SUCLG2: variants seen among roughly 807,000 people sequenced by gnomAD.
The protein encoded by SUCLG2 is succinate-CoA ligase GDP-forming subunit beta, also known as succinate--CoA ligase [GDP-forming] subunit beta, mitochondrial.
A neutral mutation model predicts 47.9 loss-of-function variants in SUCLG2; 42 were observed. That is an observed-to-expected ratio of 0.88 (90% CI 0.69 to 1.14). The LOEUF (loss-of-function observed/expected upper bound fraction) is 1.14. Ranked by LOEUF, SUCLG2 falls within the 50% of genes most tolerant of loss-of-function variation. SUCLG2 has a pLI of 0.00. For missense variants in SUCLG2, 571 were observed against 525.9 expected, an observed-to-expected ratio of 1.09 and a Z score of -0.84; for synonymous variants, 195 against 197.3, an observed-to-expected ratio of 0.99 and a Z score of 0.10.
At chr3:67,624,903 C>A (rs1487075779) in intron 1 of SUCLG2, among the ~76,000 whole-genome samples, 2 of 152,188 alleles carry the variant, frequency 1.3e-5, no homozygotes, top group Non-Finnish European at 2.9e-5. Flanking sequence ...GAAAAGTCCA[C>A]TGTGATGACA....
intron 9 of SUCLG2, among the ~76,000 whole-genome samples, chr3:67,438,309 C>T (rs535791925): frequency 3.9e-5 from 6 of 152,144 alleles, no homozygotes; most frequent in South Asian, 4.2e-4. Context: ...CCTCACATCA[C>T]AATTAAAAGA....
At chr3:67,601,943 C>A (rs1276690916) in intron 2 of SUCLG2, among the ~76,000 whole-genome samples, 1 of 151,866 alleles carries the variant, frequency 6.6e-6, no homozygotes, top group East Asian at 1.9e-4. Flanking sequence ...GATCGCACCC[C>A]CCAACTCCAG....
intron 1 of SUCLG2, among the ~76,000 whole-genome samples, chr3:67,651,359 A>C (rs1420181617): frequency 6.6e-6 from 1 of 152,006 alleles, no homozygotes; most frequent in Admixed American, 6.6e-5. Flanking sequence ...TGCCCAGCTC[A>C]TTCTCATCTC....
At chr3:67,631,854 T>A (rs1700931605) in intron 1 of SUCLG2, among the ~76,000 whole-genome samples, 1 of 152,192 alleles carries the variant, frequency 6.6e-6, no homozygotes, top group African/African-American at 2.4e-5. Context: ...GCTTCTTTAG[T>A]ATTTGTTGAA....
At chr3:67,417,517 C>T (rs1051368238) in intron 9 of SUCLG2, among the ~76,000 whole-genome samples, 29 of 152,200 alleles carry the variant, frequency 1.9e-4, no homozygotes, top group Non-Finnish European at 1.5e-5. Context: ...TGGTGCGACA[C>T]GATGCCTACA....
chr3:67,501,626 G>T (rs991061989), intron 7 of SUCLG2, among the ~76,000 whole-genome samples: 1 of 152,004 alleles, frequency 6.6e-6, no homozygotes, highest in Non-Finnish European at 1.5e-5. Context: ...GGGGCTGGTC[G>T]CCAGAAAGAC....
At chr3:67,407,926 T>C (rs1254313831) in intron 9 of SUCLG2, among the ~76,000 whole-genome samples, 1 of 152,168 alleles carries the variant, frequency 6.6e-6, no homozygotes, top group East Asian at 1.9e-4. Flanking sequence ...GGAAAATAAA[T>C]GGTGAAGGAA....
At chr3:67,538,934 C>T (rs1433163753) in intron 2 of SUCLG2, among the ~76,000 whole-genome samples, 3 of 152,146 alleles carry the variant, frequency 2.0e-5, no homozygotes, top group Non-Finnish European at 1.5e-5. Flanking sequence ...GCTGAAGTTC[C>T]TTATCAGCTT....
At chr3:67,509,992 T>C (rs1294310472) in intron 6 of SUCLG2, among the ~76,000 whole-genome samples, 3 of 152,130 alleles carry the variant, frequency 2.0e-5, no homozygotes, top group Non-Finnish European at 4.4e-5. Context: ...CCAGGGTACT[T>C]CCACTCCTCT....
At chr3:67,555,509 A>G (rs576709223) in intron 2 of SUCLG2, among the ~76,000 whole-genome samples, 22 of 152,310 alleles carry the variant, frequency 1.4e-4, no homozygotes, top group African/African-American at 5.1e-4. Context: ...ATCTTTCCCA[A>G]AAACAACCAG....
In SUCLG2 at chr3:67,498,258, G is replaced by A. The variant is rs187102568; in HGVS notation, c.795C>T (p.Asn265=). The A allele has an allele frequency of 3.5e-5, 57 of 1,613,580 alleles. No homozygotes were observed. Among genetic ancestry groups the A allele is most frequent in the African/African-American group, 2.3e-4 (17 of 74,954 alleles). The change falls in exon 8 of 11, where the codon AAC becomes AAT. Residue 265 remains asparagine (N), a synonymous_variant. Transcript: ENST00000307227. ...CFDAKINFDD[N]AEFRQKDIFA... The stretch of plus-strand genomic sequence containing the variant: ...ATATGTCTTTTTGTCGGAATTCTGC[G>A]TTGTCATCAAAGTTTATCTTGGCAT...
intron 7 of SUCLG2, among the ~76,000 whole-genome samples, chr3:67,499,285 G>GATAAA (rs1351962684): frequency 1.3e-5 from 2 of 152,070 alleles, no homozygotes; most frequent in African/African-American, 2.4e-5. Context: ...CTGTAACCTT[G>GATAAA]ATAAAATAAC....
intron 1 of SUCLG2, among the ~76,000 whole-genome samples, chr3:67,620,283 A>G (rs187967007): frequency 6.6e-6 from 1 of 151,754 alleles, no homozygotes; most frequent in Admixed American, 6.6e-5. Flanking sequence ...ATGAGGGAAA[A>G]GAAAGACACA....
intron 2 of SUCLG2, among the ~76,000 whole-genome samples, chr3:67,583,765 G>A (rs1474746372): frequency 1.3e-5 from 2 of 152,194 alleles, no homozygotes; most frequent in African/African-American, 4.8e-5. Context: ...CCCTCATCTT[G>A]AAGCCAACAA....
chr3:67,550,835 C>T (rs1706994467), intron 2 of SUCLG2, among the ~76,000 whole-genome samples: 2 of 151,100 alleles, frequency 1.3e-5, no homozygotes, highest in Admixed American at 6.6e-5. Context: ...CCTTGATTTT[C>T]TTATCTACAA....
At chr3:67,634,416 A>T (rs1008976219) in intron 1 of SUCLG2, among the ~76,000 whole-genome samples, 5 of 152,294 alleles carry the variant, frequency 3.3e-5, no homozygotes, top group South Asian at 2.1e-4. Flanking sequence ...TTTAAAAAAA[A>T]TTTTTTTAAG....
At chr3:67,497,719 A>G (rs893895802) in intron 8 of SUCLG2, among the ~76,000 whole-genome samples, 2 of 152,198 alleles carry the variant, frequency 1.3e-5, no homozygotes, top group African/African-American at 4.8e-5. Flanking sequence ...TTTAACTGAG[A>G]TGTTTTAAGT....
chr3:67,551,890 C>T (rs893333891), intron 2 of SUCLG2, among the ~76,000 whole-genome samples: 1 of 152,134 alleles, frequency 6.6e-6, no homozygotes, highest in Non-Finnish European at 1.5e-5. Context: ...CAATATCACA[C>T]AGCTGTCAAC....
chr3:67,494,551 A>G (rs1705282120), intron 9 of SUCLG2, among the ~76,000 whole-genome samples: 1 of 152,182 alleles, frequency 6.6e-6, no homozygotes, highest in South Asian at 2.1e-4. Context: ...CCTTGGGCCC[A>G]GGAGATTGAG....
Sources: gnomAD v4.1 joint callset for allele counts (sites outside exome capture counted in the v4.1 genomes callset) on GRCh38, gnomAD v4.1.1 for gene constraint, MANE v1.5 for transcripts, NCBI Gene and HGNC (gene_info 2026-07-23, HGNC 2026-07-21) for gene names.